The following DNPEP variants were observed in gnomAD, a reference collection of about 807,000 sequenced individuals.
The protein encoded by DNPEP is aspartyl aminopeptidase.
A neutral mutation model predicts 59.1 loss-of-function variants in DNPEP; 46 were observed. That is an observed-to-expected ratio of 0.78 (90% CI 0.61 to 0.99). DNPEP has a LOEUF of 0.99. Ranked by LOEUF, DNPEP falls within the 50% of genes least tolerant of loss-of-function variation. The pLI, the probability that DNPEP is intolerant of heterozygous loss-of-function variation, is 0.00. For missense variants in DNPEP, 617 were observed against 649.9 expected, an observed-to-expected ratio of 0.95 and a Z score of 0.55; for synonymous variants, 229 against 242.2, an observed-to-expected ratio of 0.95 and a Z score of 0.50.
intron 13 of DNPEP, among the ~76,000 whole-genome samples, chr2:219,376,343 C>G (rs1422458633): frequency 7.2e-5 from 11 of 151,900 alleles, no homozygotes; most frequent in Non-Finnish European, 1.5e-5. Context: ...CAAGAAACAG[C>G]CGGGCATGGT....
chr2:219,394,670 A>G (rs77497799), intron 1 of DNPEP, among the ~76,000 whole-genome samples: 2,218 of 152,302 alleles, frequency 0.015, 26 homozygotes, highest in Non-Finnish European at 0.02. Flanking sequence ...CATGACTTTA[A>G]ATAGTATCCA....
At chr2:219,397,544 A>T (rs1043713206) in intron 1 of DNPEP, among the ~76,000 whole-genome samples, 2 of 152,138 alleles carry the variant, frequency 1.3e-5, no homozygotes, top group African/African-American at 2.4e-5. Flanking sequence ...GGGAACAAGG[A>T]GTTCAGATTA....
intron 1 of DNPEP, among the ~76,000 whole-genome samples, chr2:219,398,998 T>C (rs1404101591): frequency 2.6e-5 from 4 of 152,260 alleles, no homozygotes; most frequent in African/African-American, 9.6e-5. Context: ...AACAGGGCTG[T>C]TTACTTTCAG....
At chr2:219,386,575 T>C (rs1475450641) in intron 4 of DNPEP, 90 bp downstream of exon 4, 5 of 1,445,062 alleles carry the variant, frequency 3.5e-6, no homozygotes, top group East Asian at 4.7e-5. Context: ...CTCCAGGGGA[T>C]AGAGGCCCCA....
intron 11 of DNPEP, 52 bp downstream of exon 11, chr2:219,381,927 T>C (rs1953618509): frequency 6.2e-6 from 10 of 1,600,774 alleles, no homozygotes; most frequent in Non-Finnish European, 8.6e-6. Context: ...AGGCAGGTTA[T>C]GCTTGGGTCT....
upstream of DNPEP, among the ~76,000 whole-genome samples, chr2:219,390,840 AT>A (rs1301749439): frequency 2.6e-5 from 4 of 152,334 alleles, no homozygotes; most frequent in Admixed American, 6.5e-5. Context: ...CAAAAAAAAA[AT>A]TAATAAATAA....
At chr2:219,397,848 C>G (rs1481678235) in intron 1 of DNPEP, among the ~76,000 whole-genome samples, 1 of 152,114 alleles carries the variant, frequency 6.6e-6, no homozygotes, top group East Asian at 1.9e-4. Context: ...CCTCGGCCTC[C>G]CAAAGTGCTG....
chr2:219,380,645 G>A (rs1953552661), intron 13 of DNPEP, among the ~76,000 whole-genome samples: 1 of 152,120 alleles, frequency 6.6e-6, no homozygotes, highest in Non-Finnish European at 1.5e-5. Flanking sequence ...ACACAACCTA[G>A]GTGTGCAGCA....
rs1954155357 is a variant in DNPEP, at chr2:219,399,724, T to G, written c.-158+216A>C. On this transcript the variant is annotated intron_variant, in intron 1 of 6. Coordinates refer to the DNPEP transcript ENST00000434339. ...AGCCACTTGCTCGAGGTCTGGTTTG[T>G]TAGCAGACTGAGAGCAGGGGACCCT... The G allele has an allele frequency of 4.4e-6, 3 of 675,656 alleles. No individual in the cohort carries two copies. The Admixed American group carries it at 7.5e-5, about 17-fold the overall frequency. 41.9% of individuals were successfully genotyped at this position (675,656 alleles called of 1,614,324 possible). A position where few individuals can be genotyped will look rare whatever the true frequency, so the allele number is the denominator to read the frequency against.
At position 219,381,344 on chromosome 2, in the gene DNPEP, G is replaced by C. The variant is rs770956855; in HGVS notation, c.1230C>G (p.Val410=). Residue 410 remains valine, a synonymous_variant, in exon 13 of 15, where the codon GTC becomes GTG. Coordinates refer to ENST00000273075, the MANE Select transcript of DNPEP (RefSeq NM_012100.4). ...CAGGGCCCACCCTCACCTGCAGGGGGACCTTGACTTTGTTGGCCACCTCTC... is the reference window on the plus strand; with the variant it reads ...CAGGGCCCACCCTCACCTGCAGGGGCACCTTGACTTTGTTGGCCACCTCTC... ...LIREVANKVK[V]PLQDLMVRND... 6.2e-7 allele frequency: 1 copy of C among 1,613,888 alleles called. No individual in the cohort carries two copies. The highest frequency in any genetic ancestry group is 1.1e-5 in the South Asian group (1 of 91,072).
chr2:219,399,211 C>T (rs1954147046), intron 1 of DNPEP, among the ~76,000 whole-genome samples: 1 of 152,184 alleles, frequency 6.6e-6, no homozygotes, highest in Admixed American at 6.5e-5. Context: ...TCTCAGTGGC[C>T]TCTGACTCCT....
chr2:219,381,513 C>T, intron 12 of DNPEP, 32 bp downstream of exon 12: 1 of 1,614,064 alleles, frequency 6.2e-7, no homozygotes, highest in Non-Finnish European at 8.5e-7. Context: ...AGCCAGACCT[C>T]CAAGTCCCTA....
Position 219,372,427 on chromosome 2 carries a change from T to A in DNPEP, c.*1865A>T, listed in dbSNP as rs11680364. On this transcript the variant is annotated 3_prime_UTR_variant, in exon 15 of 15. Coordinates refer to ENST00000273075, the MANE Select transcript of DNPEP (RefSeq NM_012100.4). Reference sequence around the variant, plus strand: ...GTCGCCCAGGCTGGAGTGCAGTGGCTCAATCTTGGCTCACTGCAGCCTCTG... The same window carrying A: ...GTCGCCCAGGCTGGAGTGCAGTGGCACAATCTTGGCTCACTGCAGCCTCTG... Among the ~76,000 whole-genome samples, 6 of 152,130 alleles carry A rather than the reference T, an allele frequency of 3.9e-5. No homozygotes were observed. Among genetic ancestry groups the A allele is most frequent in the East Asian group, 1.9e-4 (1 of 5,184 alleles).
rs111363395 is a variant in DNPEP at position 219,374,798 on chromosome 2, C to T, written c.1407+57G>A. On this transcript the variant is annotated intron_variant, in intron 14 of 14. Coordinates refer to ENST00000273075, the MANE Select transcript of DNPEP (RefSeq NM_012100.4). ...TGGCGATGTTGTCCCAGCAACCAAT[C>T]CAGGCACTAGAGGGGAAGCAGCCCA... The T allele has an allele frequency of 3.3e-4, 524 of 1,575,558 alleles. 3 individuals are homozygous for T. In the African/African-American group the frequency reaches 6.0e-3, roughly 18 times the overall value.
upstream of DNPEP, among the ~76,000 whole-genome samples, chr2:219,391,428 T>C (rs1379045970): frequency 2.6e-5 from 4 of 152,150 alleles, no homozygotes; most frequent in Non-Finnish European, 5.9e-5. Flanking sequence ...ATTATGTAGA[T>C]TTCCACCATG....
chr2:219,388,913 A>C (rs552233302), upstream of DNPEP: 132 of 979,152 alleles, frequency 1.3e-4, no homozygotes, highest in Non-Finnish European at 1.5e-4. Flanking sequence ...GAAAGCTGAG[A>C]TACGGAGACT....
Position 219,372,157 on chromosome 2 carries a change from G to T in DNPEP, c.*2135C>A, listed in dbSNP as rs1236845119. ...TACAATAAAATACTGTACGCCAATT[G>T]TAAGAGTAAATACAGTGTGAGGGTA... On this transcript the variant is annotated 3_prime_UTR_variant, in exon 15 of 15. Transcript: ENST00000273075. 2.0e-5 allele frequency among the ~76,000 whole-genome samples: 3 copies of T among 152,096 alleles called. No homozygotes were observed. Among genetic ancestry groups the T allele is most frequent in the Admixed American group, 6.6e-5 (1 of 15,256 alleles).
chr2:219,387,253 G>A (rs1328034474), intron 1 of DNPEP, 90 bp from the exon 2 acceptor site: 2 of 1,517,558 alleles, frequency 1.3e-6, no homozygotes, highest in East Asian at 2.5e-5. Context: ...CCCACCCCCA[G>A]AAGTGACCAC....
rs554871238 is a variant in DNPEP at position 219,398,412 on chromosome 2, G to T, written c.-158+1528C>A. ...CGCCTGTAATCCCAGCACTCTGGGA[G>T]GCCAAGGCGGGTGGATCACCTGAGG... On this transcript the variant is annotated intron_variant, in intron 1 of 6. Coordinates refer to the DNPEP transcript ENST00000434339. Among the ~76,000 whole-genome samples, 3 of 152,378 alleles carry T rather than the reference G, an allele frequency of 2.0e-5. No homozygotes were observed. The South Asian group carries it at 6.2e-4, about 32-fold the overall frequency.
Sources: allele counts gnomAD v4.1 joint callset (sites outside exome capture counted in the v4.1 genomes callset), GRCh38; gene constraint gnomAD v4.1.1; transcripts MANE v1.5; gene names NCBI Gene and HGNC (gene_info 2026-07-23, HGNC 2026-07-21).